FANK1: variants seen among roughly 807,000 people sequenced by gnomAD.
The protein encoded by FANK1 is fibronectin type 3 and ankyrin repeat domains protein 1.
In FANK1, 44 loss-of-function variants were observed where a neutral mutation model predicts 45.3. The observed-to-expected ratio is 0.97, with a 90% CI of 0.76 to 1.25. FANK1 has a LOEUF of 1.25. Ranked by LOEUF, FANK1 falls within the 50% of genes most tolerant of loss-of-function variation. The probability of loss-of-function intolerance (pLI) is 0.00; values close to 1 mark genes in which losing one functional copy is unlikely to be tolerated. For synonymous variants in FANK1, 149 were observed against 152.5 expected, an observed-to-expected ratio of 0.98 and a Z score of 0.17; for missense variants, 391 against 424.4, an observed-to-expected ratio of 0.92 and a Z score of 0.69.
At chr10:125,990,904 G>T (rs1174568087) in intron 3 of FANK1, among the ~76,000 whole-genome samples, 1 of 152,170 alleles carries the variant, frequency 6.6e-6, no homozygotes, top group Non-Finnish European at 1.5e-5. Context: ...GAGAGCATGT[G>T]CAGGGGAATT....
intron 1 of FANK1, among the ~76,000 whole-genome samples, chr10:125,949,291 A>G (rs937762903): frequency 4.6e-5 from 7 of 150,980 alleles, no homozygotes; most frequent in Admixed American, 3.9e-4. Context: ...GGAGAAGGAA[A>G]TAAAGGGTAT....
At chr10:125,962,125 G>A (rs887326349) in intron 1 of FANK1, among the ~76,000 whole-genome samples, 5 of 152,120 alleles carry the variant, frequency 3.3e-5, no homozygotes, top group African/African-American at 7.2e-5. Flanking sequence ...CAAGGAGCTC[G>A]AACATCTCAA....
chr10:125,988,634 G>C lies in FANK1; in HGVS notation c.275G>C (p.Gly92Ala). The C allele has an allele frequency of 6.2e-7, 1 of 1,614,148 alleles. No individual in the cohort carries two copies. Among genetic ancestry groups the C allele is most frequent in the Non-Finnish European group, 8.5e-7 (1 of 1,180,024 alleles). ...RFRLKVTSPSGECEYSPLVSV... is the reference protein window; with the variant it reads ...RFRLKVTSPSAECEYSPLVSV... ...CGCCTGAAGGTCACCAGCCCCTCTG[G>C]GGAGTGTGAGTACAGCCCACTCGTC... Residue 92 changes from glycine to alanine, a missense_variant, in exon 3 of 11, where the codon GGG becomes GCG. By Grantham distance (60) the Gly-to-Ala change is moderately conservative (BLOSUM62 0). Coordinates refer to ENST00000368693, the MANE Select transcript of FANK1 (RefSeq NM_145235.5).
At chr10:125,910,512 T>C (rs1479789316) in intron 1 of FANK1, among the ~76,000 whole-genome samples, 1 of 152,236 alleles carries the variant, frequency 6.6e-6, no homozygotes, top group Non-Finnish European at 1.5e-5. Context: ...TTAAACCTTG[T>C]ATATAGAAGC....
intron 1 of FANK1, among the ~76,000 whole-genome samples, chr10:125,918,065 G>C (rs1946595979): frequency 2.3e-4 from 1 of 4,370 alleles, no homozygotes; most frequent in African/African-American, 5.8e-4. Flanking sequence ...GGGCGACAGA[G>C]TGAGACCCTG....
intron 5 of FANK1, among the ~76,000 whole-genome samples, chr10:125,997,109 A>G (rs539309868): frequency 2.4e-4 from 37 of 152,342 alleles, no homozygotes; most frequent in African/African-American, 8.7e-4. Context: ...ACATGCTACC[A>G]TTTAAGAATA....
chr10:125,911,246 G>A (rs1171216032), intron 1 of FANK1, among the ~76,000 whole-genome samples: 1 of 152,130 alleles, frequency 6.6e-6, no homozygotes, highest in Non-Finnish European at 1.5e-5. Flanking sequence ...AGTGGTGGTT[G>A]CAGTGATACA....
chr10:125,971,703 A>G (rs917919839), intron 1 of FANK1, among the ~76,000 whole-genome samples: 6 of 151,534 alleles, frequency 4.0e-5, no homozygotes, highest in African/African-American at 1.2e-4. Flanking sequence ...CTCACTGCAA[A>G]CTCCGCCTCC....
chr10:125,951,592 A>T (rs1949237466), intron 1 of FANK1, among the ~76,000 whole-genome samples: 1 of 152,082 alleles, frequency 6.6e-6, no homozygotes, highest in African/African-American at 2.4e-5. Context: ...TCTCAGTCTT[A>T]CTTCTCTTCT....
Position 125,929,143 on chromosome 10 carries a change from G to A in FANK1, c.13+32488G>A, listed in dbSNP as rs539141203. ...ATGAGACTCACAGAAGAGCCAGGTG[G>A]TTGAAGCTTAGCTAGCAATTTGAGC... On this transcript the variant is annotated intron_variant, in intron 1 of 10. Transcript: ENST00000368693. Among the ~76,000 whole-genome samples, 2 of 152,334 alleles carry A rather than the reference G, an allele frequency of 1.3e-5. 1 individual carries two copies. Among genetic ancestry groups the A allele is most frequent in the East Asian group, 3.9e-4 (2 of 5,182 alleles).
At chr10:125,913,230 T>C (rs984079816) in intron 1 of FANK1, among the ~76,000 whole-genome samples, 1 of 152,206 alleles carries the variant, frequency 6.6e-6, no homozygotes, top group African/African-American at 2.4e-5. Context: ...CCTTATCTGA[T>C]TGCACCTACA....
intron 5 of FANK1, 86 bp from the exon 6 acceptor site, chr10:125,997,334 C>T: frequency 2.0e-6 from 2 of 1,015,764 alleles, no homozygotes; most frequent in Non-Finnish European, 3.0e-6. Flanking sequence ...ATCTTGGATG[C>T]TGTGTTACTC....
intron 1 of FANK1, among the ~76,000 whole-genome samples, chr10:125,937,064 C>A (rs571816801): frequency 2.0e-5 from 3 of 151,228 alleles, no homozygotes; most frequent in Non-Finnish European, 4.4e-5. Context: ...AGCCAAACTC[C>A]GTCTCAAAAA....
At chr10:125,997,627 ATGG>A in intron 6 of FANK1, 142 bp downstream of exon 6, 1 of 714,896 alleles carries the variant, frequency 1.4e-6, no homozygotes, top group Non-Finnish European at 2.3e-6. Flanking sequence ...CTGAGGAAAG[ATGG>A]TGATCACAAA....
At chr10:125,994,106 C>T (rs1482368357) in intron 3 of FANK1, among the ~76,000 whole-genome samples, 2 of 147,250 alleles carry the variant, frequency 1.4e-5, no homozygotes, top group African/African-American at 2.5e-5. Context: ...CTTTCTGGGC[C>T]GGACCATAAG....
At chr10:125,922,321 A>C (rs148933921) in intron 1 of FANK1, among the ~76,000 whole-genome samples, 1,790 of 152,306 alleles carry the variant, frequency 0.012, 24 homozygotes, top group African/African-American at 0.04. Context: ...TATGACCCAG[A>C]ATATGATCTC....
rs185033032 is a variant in FANK1, at chr10:125,955,273, C to T, written c.14-24888C>T. Among the ~76,000 whole-genome samples, 9 of 152,092 alleles carry T rather than the reference C, an allele frequency of 5.9e-5. 1 individual carries two copies. Among genetic ancestry groups the T allele is most frequent in the East Asian group, 1.9e-4 (1 of 5,150 alleles). On this transcript the variant is annotated intron_variant, in intron 1 of 10. Transcript: ENST00000368693. ...TGCTCTCCCTCCCCACCCACCTCCC[C>T]GACAGACCCCAGTGTGTGTTGGTCC...
chr10:126,003,653 C>T (rs1952943715), intron 6 of FANK1, among the ~76,000 whole-genome samples: 3 of 149,976 alleles, frequency 2.0e-5, no homozygotes, highest in South Asian at 4.3e-4. Context: ...ATATTCCATT[C>T]CCCATTAACT....
rs777074136 is a variant in FANK1 at position 126,008,453 on chromosome 10, T to C, written c.752T>C (p.Val251Ala). 1 of 1,613,004 alleles carries C rather than the reference T, an allele frequency of 6.2e-7. No homozygotes were observed. The highest frequency in any genetic ancestry group is 1.1e-5 in the South Asian group (1 of 90,926). ...TGSGWTPLMR[V>A]SAVSGNQRVA... ...TCAGGATGGACCCCACTCATGAGAG[T>C]CTCTGCGGTGTCGGGAAATCAGAGG... Residue 251 changes from valine (V) to alanine (A), a missense_variant, in exon 8 of 11, where the codon GTC becomes GCC. Val to Ala is a moderately conservative substitution (Grantham distance 64). Coordinates refer to ENST00000368693, the MANE Select transcript of FANK1 (RefSeq NM_145235.5).
Sources: gnomAD v4.1 joint callset for allele counts (sites outside exome capture counted in the v4.1 genomes callset) on GRCh38, gnomAD v4.1.1 for gene constraint, MANE v1.5 for transcripts, NCBI Gene and HGNC (gene_info 2026-07-23, HGNC 2026-07-21) for gene names.